The following ENOX1 variants were observed in gnomAD, a reference collection of about 807,000 sequenced individuals.
The protein encoded by ENOX1 is candidate growth-related and time keeping constitutive hydroquinone (NADH) oxidase.
In ENOX1, 42 loss-of-function variants were observed where a neutral mutation model predicts 82.5. The observed-to-expected ratio is 0.51, with a 90% CI of 0.40 to 0.66. The LOEUF (loss-of-function observed/expected upper bound fraction) is 0.66. Ranked by LOEUF, ENOX1 falls within the 30% of genes least tolerant of loss-of-function variation. The probability of loss-of-function intolerance (pLI) is 0.00; values close to 1 mark genes in which losing one functional copy is unlikely to be tolerated. For synonymous variants in ENOX1, 271 were observed against 282.2 expected (o/e 0.96, Z 0.40); for missense variants, 608 against 811.6 (o/e 0.75, Z 3.05).
chr13:43,642,323 T>A (rs528342324), intron 2 of ENOX1, among the ~76,000 whole-genome samples: 1 of 152,250 alleles, frequency 6.6e-6, no homozygotes, highest in South Asian at 2.1e-4. Context: ...GAAAGAAAGC[T>A]GGGAGCTGGA....
chr13:43,397,137 C>T (rs2053204286), intron 5 of ENOX1, among the ~76,000 whole-genome samples: 1 of 152,222 alleles, frequency 6.6e-6, no homozygotes, highest in Non-Finnish European at 1.5e-5. Context: ...TTGGCGAAGC[C>T]CCAGCAAGGA....
chr13:43,587,893 G>A (rs2081067021), intron 2 of ENOX1, among the ~76,000 whole-genome samples: 1 of 151,960 alleles, frequency 6.6e-6, no homozygotes, highest in Non-Finnish European at 1.5e-5. Context: ...TAAACCATGT[G>A]GAAATAGTTT....
At position 43,416,621 on chromosome 13, in the gene ENOX1, G is replaced by A. The variant is rs553499170; in HGVS notation, c.-74-3633C>T. ...CCTCACTTCCTAGACGGGGTGGCCAGGCAGAGACGCTCCTCACATCCCAGA... is the reference window on the plus strand; with the variant it reads ...CCTCACTTCCTAGACGGGGTGGCCAAGCAGAGACGCTCCTCACATCCCAGA... On this transcript the variant is annotated intron_variant, in intron 3 of 16. Transcript: ENST00000690772. Among the ~76,000 whole-genome samples, 4 of 149,858 alleles carry A rather than the reference G, an allele frequency of 2.7e-5. No individual in the cohort carries two copies. The South Asian group carries it at 6.4e-4, about 24-fold the overall frequency.
intron 2 of ENOX1, among the ~76,000 whole-genome samples, chr13:43,606,795 C>T (rs1274090694): frequency 1.3e-5 from 2 of 151,918 alleles, no homozygotes; most frequent in Non-Finnish European, 2.9e-5. Flanking sequence ...GTGGGCGAAT[C>T]ATTGAGCACA....
At chr13:43,742,494 T>C (rs1010014002) in intron 1 of ENOX1, among the ~76,000 whole-genome samples, 1 of 152,166 alleles carries the variant, frequency 6.6e-6, no homozygotes, top group Non-Finnish European at 1.5e-5. Context: ...CTTATTTGTC[T>C]ATTTGGGCCC....
chr13:43,502,374 C>T (rs116787561), intron 2 of ENOX1, among the ~76,000 whole-genome samples: 1,950 of 151,728 alleles, frequency 0.013, 27 homozygotes, highest in African/African-American at 0.04. Flanking sequence ...TGAGTCCAGA[C>T]ACCCCAATAC....
Position 43,305,974 on chromosome 13 carries a change from C to T in ENOX1, c.1262-7444G>A, listed in dbSNP as rs192388491. On this transcript the variant is annotated intron_variant, in intron 11 of 16. Coordinates refer to ENST00000690772, the MANE Select transcript of ENOX1 (RefSeq NM_001347969.2). ...CTCAGCCCCTGCCCAGCCTGGCCTG[C>T]GCAGCTCCCAGCCCAGCCGCAGGAA... 9.8e-4 allele frequency among the ~76,000 whole-genome samples: 149 copies of T among 152,266 alleles called. No homozygotes were observed. In the Middle Eastern group the frequency reaches 0.01, roughly 10 times the overall value.
intron 2 of ENOX1, among the ~76,000 whole-genome samples, chr13:43,620,733 G>A (rs1252191452): frequency 6.6e-6 from 1 of 152,074 alleles, no homozygotes; most frequent in East Asian, 1.9e-4. Context: ...GTTGTCGGAT[G>A]AACTTTTCTG....
rs1442766189 is a variant in ENOX1 at position 43,332,506 on chromosome 13, T to C, written c.1037-5981A>G. ...GGGACCTCTGTTTTAGGGAATGGAA[T>C]TTGAATAGAATAAAGAGAAGCCTAC... On this transcript the variant is annotated intron_variant, in intron 9 of 16. Transcript: ENST00000690772. Among the ~76,000 whole-genome samples the C allele has an allele frequency of 3.9e-5, 6 of 152,090 alleles. No individual in the cohort carries two copies. In the East Asian group the frequency reaches 1.2e-3, roughly 29 times the overall value.
chr13:43,408,113 G>A (rs931208828), intron 5 of ENOX1, among the ~76,000 whole-genome samples: 6 of 152,154 alleles, frequency 3.9e-5, no homozygotes, highest in Non-Finnish European at 7.4e-5. Flanking sequence ...GCAGAATCAC[G>A]GTGAGAGGAA....
At chr13:43,783,083 C>G (rs1952368535) in intron 1 of ENOX1, among the ~76,000 whole-genome samples, 1 of 152,172 alleles carries the variant, frequency 6.6e-6, no homozygotes, top group African/African-American at 2.4e-5. Flanking sequence ...TACAGGTATA[C>G]AAACTGACCA....
At chr13:43,626,353 T>C (rs1006658479) in intron 2 of ENOX1, among the ~76,000 whole-genome samples, 3 of 151,872 alleles carry the variant, frequency 2.0e-5, no homozygotes, top group Admixed American at 1.3e-4. Flanking sequence ...TATCTCCCTT[T>C]TTCTGCTTCA....
intron 11 of ENOX1, among the ~76,000 whole-genome samples, chr13:43,299,004 G>A (rs191108397): frequency 2.9e-3 from 442 of 152,292 alleles, no homozygotes; most frequent in African/African-American, 9.3e-3. Flanking sequence ...AGGGGAGAGA[G>A]GAAATTATAT....
At chr13:43,341,190 G>A (rs931719473) in intron 9 of ENOX1, among the ~76,000 whole-genome samples, 2 of 151,966 alleles carry the variant, frequency 1.3e-5, no homozygotes, top group African/African-American at 2.4e-5. Flanking sequence ...CCAGCTACTC[G>A]GGAGGCTGAG....
intron 2 of ENOX1, among the ~76,000 whole-genome samples, chr13:43,536,570 T>C (rs1022389518): frequency 8.6e-5 from 13 of 152,046 alleles, no homozygotes; most frequent in African/African-American, 2.9e-4. Context: ...AAAAACTCCA[T>C]GGTTTCTCAA....
chr13:43,738,787 A>G (rs2089754499), intron 1 of ENOX1, among the ~76,000 whole-genome samples: 1 of 152,168 alleles, frequency 6.6e-6, no homozygotes, highest in African/African-American at 2.4e-5. Context: ...CAGTAACTCA[A>G]TTATTAAGGA....
At chr13:43,531,774 G>A (rs2078232841) in intron 2 of ENOX1, among the ~76,000 whole-genome samples, 1 of 150,046 alleles carries the variant, frequency 6.7e-6, no homozygotes, top group South Asian at 2.2e-4. Flanking sequence ...GTCCTTTGTA[G>A]GGACATGGAT....
intron 8 of ENOX1, 93 bp from the exon 9 acceptor site, chr13:43,344,843 C>G (rs1000582982): frequency 8.1e-7 from 1 of 1,228,802 alleles, no homozygotes; most frequent in Non-Finnish European, 1.2e-6. Context: ...ATAGTCCAAC[C>G]TAGTGGATAT....
intron 8 of ENOX1, 77 bp from the exon 9 acceptor site, chr13:43,344,827 CAG>C: frequency 6.9e-7 from 1 of 1,444,712 alleles, no homozygotes; most frequent in South Asian, 1.2e-5. Flanking sequence ...TCTCAAAAGA[CAG>C]AGCATAGTCC....
Sources: gnomAD v4.1 joint callset for allele counts (sites outside exome capture counted in the v4.1 genomes callset) on GRCh38, gnomAD v4.1.1 for gene constraint, MANE v1.5 for transcripts, NCBI Gene and HGNC (gene_info 2026-07-23, HGNC 2026-07-21) for gene names.